ZNF385D: variants seen among roughly 807,000 people sequenced by gnomAD.
ZNF385D encodes zinc finger protein 659.
In ZNF385D, 15 loss-of-function variants were observed where a neutral mutation model predicts 35.8. The observed-to-expected ratio is 0.42, with a 90% CI of 0.28 to 0.64. The LOEUF (loss-of-function observed/expected upper bound fraction) is 0.64. Ranked by LOEUF, ZNF385D falls within the 30% of genes least tolerant of loss-of-function variation. The probability of loss-of-function intolerance (pLI) is 0.23; values close to 1 mark genes in which losing one functional copy is unlikely to be tolerated. For missense variants in ZNF385D, 474 were observed against 494.6 expected, an observed-to-expected ratio of 0.96 and a Z score of 0.39; for synonymous variants, 212 against 186.8, an observed-to-expected ratio of 1.13 and a Z score of -1.10.
chr3:22,081,311 G>A (rs17010739), intron 3 of ZNF385D, among the ~76,000 whole-genome samples: 23,946 of 151,988 alleles, frequency 0.16, 2,084 homozygotes, highest in African/African-American at 0.22. Context: ...CTGGGGATGC[G>A]AGCTTAAATT....
chr3:22,012,870 C>A (rs1559848006), intron 3 of ZNF385D, among the ~76,000 whole-genome samples: 1 of 152,080 alleles, frequency 6.6e-6, no homozygotes, highest in Non-Finnish European at 1.5e-5. Flanking sequence ...TAAGGTAAAA[C>A]CTTGAGTTTC....
intron 3 of ZNF385D, among the ~76,000 whole-genome samples, chr3:22,136,752 G>A (rs1416646152): frequency 1.3e-5 from 2 of 152,124 alleles, no homozygotes; most frequent in Non-Finnish European, 2.9e-5. Context: ...ATATTATTCA[G>A]TGATAAAAAG....
intron 3 of ZNF385D, among the ~76,000 whole-genome samples, chr3:21,821,275 A>T (rs934817379): frequency 6.6e-6 from 1 of 152,284 alleles, no homozygotes; most frequent in East Asian, 1.9e-4. Context: ...AATGCAGCAG[A>T]AAGTTAAGAA....
chr3:21,675,527 T>C (rs754749065), intron 1 of ZNF385D, among the ~76,000 whole-genome samples: 9 of 152,098 alleles, frequency 5.9e-5, no homozygotes, highest in Non-Finnish European at 1.2e-4. Flanking sequence ...AACATTCTGC[T>C]TCCAGAGTGT....
chr3:21,619,411 T>C (rs1442935115), intron 2 of ZNF385D, among the ~76,000 whole-genome samples: 2 of 140,194 alleles, frequency 1.4e-5, no homozygotes, highest in Non-Finnish European at 3.0e-5. Context: ...ATCGTGTGTG[T>C]GCGTGTGTGT....
intron 5 of ZNF385D, among the ~76,000 whole-genome samples, chr3:21,433,694 G>A (rs1476658531): frequency 2.6e-5 from 4 of 152,056 alleles, no homozygotes; most frequent in South Asian, 2.1e-4. Context: ...TGAACTAAAC[G>A]GCCTAGGCAA....
intron 1 of ZNF385D, among the ~76,000 whole-genome samples, chr3:21,684,470 A>G (rs1282608817): frequency 8.3e-6 from 1 of 120,316 alleles, no homozygotes; most frequent in Admixed American, 9.2e-5. Flanking sequence ...TACATTCTTT[A>G]CCATCAACTG....
At chr3:22,102,491 C>T (rs1042753660) in intron 3 of ZNF385D, among the ~76,000 whole-genome samples, 2 of 151,948 alleles carry the variant, frequency 1.3e-5, no homozygotes, top group African/African-American at 4.8e-5. Context: ...TTTCATTGTA[C>T]AATATTTTAA....
intron 2 of ZNF385D, among the ~76,000 whole-genome samples, chr3:22,309,302 C>G (rs138516621): frequency 6.7e-6 from 1 of 149,326 alleles, no homozygotes; most frequent in African/African-American, 2.5e-5. Flanking sequence ...TTTATCTCTG[C>G]CCTGTACAGT....
chr3:21,972,927 G>C (rs1187627234), intron 3 of ZNF385D, among the ~76,000 whole-genome samples: 1 of 151,852 alleles, frequency 6.6e-6, no homozygotes. Flanking sequence ...GCCATAATAA[G>C]AAAGTCTCCC....
At chr3:22,035,830 A>G (rs1698279772) in intron 3 of ZNF385D, among the ~76,000 whole-genome samples, 1 of 152,214 alleles carries the variant, frequency 6.6e-6, no homozygotes, top group African/African-American at 2.4e-5. Context: ...TCTAGGATCT[A>G]AAAATATTGT....
At chr3:22,161,823 T>C (rs943448059) in intron 3 of ZNF385D, among the ~76,000 whole-genome samples, 1 of 152,136 alleles carries the variant, frequency 6.6e-6, no homozygotes, top group Non-Finnish European at 1.5e-5. Context: ...ATAAACTCAA[T>C]AACATAAGAA....
At chr3:21,777,826 T>C (rs1281432265) in intron 3 of ZNF385D, 1 of 151,850 alleles carries the variant, frequency 6.6e-6, no homozygotes, top group Non-Finnish European at 1.5e-5. Context: ...GGCATCACGA[T>C]GAGAAAAACC....
chr3:21,859,722 T>A (rs892255527), intron 3 of ZNF385D, among the ~76,000 whole-genome samples: 4 of 151,178 alleles, frequency 2.6e-5, no homozygotes, highest in African/African-American at 9.7e-5. Context: ...ACTGCTGGAA[T>A]TGAAAGATAA....
intron 2 of ZNF385D, among the ~76,000 whole-genome samples, chr3:22,315,493 T>C (rs1703837534): frequency 6.6e-6 from 1 of 152,118 alleles, no homozygotes; most frequent in Admixed American, 6.6e-5. Context: ...TTGAGAAAAC[T>C]ATTTGGGAAG....
chr3:22,076,334 G>A (rs763499591), intron 3 of ZNF385D, among the ~76,000 whole-genome samples: 2 of 151,856 alleles, frequency 1.3e-5, no homozygotes, highest in East Asian at 1.9e-4. Flanking sequence ...TGGTCACTTC[G>A]GTCCAGTCTC....
At chr3:21,710,067 A>G (rs1036500813) in intron 1 of ZNF385D, among the ~76,000 whole-genome samples, 6 of 152,226 alleles carry the variant, frequency 3.9e-5, no homozygotes, top group South Asian at 2.1e-4. Context: ...CATGGCTTCA[A>G]TTACACGACC....
intron 3 of ZNF385D, among the ~76,000 whole-genome samples, chr3:21,867,499 T>C (rs1386756938): frequency 6.6e-6 from 1 of 152,098 alleles, no homozygotes; most frequent in Non-Finnish European, 1.5e-5. Context: ...TCTCTACCTG[T>C]GAGGAGTGCA....
chr3:22,083,759 C>A (rs1559355855), intron 3 of ZNF385D, among the ~76,000 whole-genome samples: 1 of 152,122 alleles, frequency 6.6e-6, no homozygotes, highest in African/African-American at 2.4e-5. Context: ...TCAAGAAGAG[C>A]ATCCCTAAGA....
Sources: allele counts gnomAD v4.1 joint callset (sites outside exome capture counted in the v4.1 genomes callset), GRCh38; gene constraint gnomAD v4.1.1; transcripts MANE v1.5; gene names NCBI Gene and HGNC (gene_info 2026-07-23, HGNC 2026-07-21).